Variants in GFRAL observed in about 807,000 individuals in gnomAD.
The protein encoded by GFRAL is GDNF family receptor alpha like, also known as GDNF family receptor alpha-like.
In GFRAL, 36 loss-of-function variants were observed where a neutral mutation model predicts 45.4. That is an observed-to-expected ratio of 0.79 (90% CI 0.61 to 1.05). The LOEUF (loss-of-function observed/expected upper bound fraction) is 1.05, where lower values mean the gene tolerates loss of function less well. GFRAL is among the 50% of genes least tolerant of loss of function. GFRAL has a pLI of 0.00. For missense variants in GFRAL, 507 were observed against 467.5 expected (o/e 1.08, Z -0.78); for synonymous variants, 166 against 154.1 (o/e 1.08, Z -0.57).
chr6:55,348,828 G>A (rs1250545982), intron 3 of GFRAL, among the ~76,000 whole-genome samples: 3 of 152,048 alleles, frequency 2.0e-5, no homozygotes, highest in Non-Finnish European at 4.4e-5. Flanking sequence ...AGTGAGTGAA[G>A]CTGTTGTTTA....
At chr6:55,400,153 T>TA (rs11295935) in intron 8 of GFRAL, among the ~76,000 whole-genome samples, 3 of 151,660 alleles carry the variant, frequency 2.0e-5, no homozygotes, top group Admixed American at 6.6e-5. Flanking sequence ...TGCCTTTAAT[T>TA]AAAAAAAACT....
intron 6 of GFRAL, among the ~76,000 whole-genome samples, chr6:55,369,714 T>C (rs4236128): frequency 0.19 from 29,080 of 152,156 alleles, 3,199 homozygotes; most frequent in African/African-American, 0.3. Flanking sequence ...ACAGTTTGTT[T>C]CTGTTACATT....
chr6:55,397,602 C>A (rs1428774939), intron 6 of GFRAL, among the ~76,000 whole-genome samples: 1 of 146,790 alleles, frequency 6.8e-6, no homozygotes, highest in African/African-American at 2.5e-5. Flanking sequence ...TTTCTAATGA[C>A]AAAATCCTCA....
intron 8 of GFRAL, among the ~76,000 whole-genome samples, chr6:55,399,904 A>G (rs1047120383): frequency 6.6e-6 from 1 of 152,148 alleles, no homozygotes; most frequent in Non-Finnish European, 1.5e-5. Context: ...ATAGGCAATT[A>G]TTGAAAAAGA....
chr6:55,355,204 T>C (rs1768172520), intron 5 of GFRAL, among the ~76,000 whole-genome samples: 1 of 151,774 alleles, frequency 6.6e-6, no homozygotes, highest in South Asian at 2.1e-4. Context: ...TATAAGAAAA[T>C]TCACACATCA....
chr6:55,388,236 A>T (rs1174238263), intron 6 of GFRAL, among the ~76,000 whole-genome samples: 1 of 152,182 alleles, frequency 6.6e-6, no homozygotes, highest in Non-Finnish European at 1.5e-5. Flanking sequence ...CTTTCAAAAA[A>T]AACTCAGTTG....
chr6:55,360,702 T>C (rs1452652441), intron 6 of GFRAL, among the ~76,000 whole-genome samples: 2 of 151,988 alleles, frequency 1.3e-5, no homozygotes, highest in South Asian at 2.1e-4. Context: ...TCCTCTCTTA[T>C]TAACATTAGT....
intron 6 of GFRAL, among the ~76,000 whole-genome samples, chr6:55,372,176 C>A (rs1360728816): frequency 1.3e-5 from 2 of 152,288 alleles, no homozygotes; most frequent in Non-Finnish European, 2.9e-5. Flanking sequence ...ACCCTGAATG[C>A]TCCTCTTATT....
chr6:55,399,541 G>C, intron 8 of GFRAL, 100 bp downstream of exon 8: 1 of 808,410 alleles, frequency 1.2e-6, no homozygotes, highest in Non-Finnish European at 2.1e-6. Flanking sequence ...GCCTGAGAAT[G>C]AAAGCTTCTC....
At chr6:55,347,280 T>C (rs965994105) in intron 3 of GFRAL, among the ~76,000 whole-genome samples, 1 of 152,102 alleles carries the variant, frequency 6.6e-6, no homozygotes, top group Non-Finnish European at 1.5e-5. Context: ...GTAAGATAAG[T>C]AATATTTGCA....
chr6:55,335,739 A>G (rs2127350534), intron 3 of GFRAL, among the ~76,000 whole-genome samples: 1 of 152,206 alleles, frequency 6.6e-6, no homozygotes, highest in Non-Finnish European at 1.5e-5. Flanking sequence ...TGGTGGCTCT[A>G]TTTCTAGACT....
At chr6:55,360,963 T>A (rs1044018905) in intron 6 of GFRAL, among the ~76,000 whole-genome samples, 2 of 152,006 alleles carry the variant, frequency 1.3e-5, no homozygotes, top group Non-Finnish European at 2.9e-5. Context: ...TAATTCTAGT[T>A]CTAAACATGT....
chr6:55,362,835 TAATTA>T (rs1768295440), intron 6 of GFRAL, among the ~76,000 whole-genome samples: 1 of 149,838 alleles, frequency 6.7e-6, no homozygotes, highest in Non-Finnish European at 1.5e-5. Flanking sequence ...TCCATGTGGA[TAATTA>T]AAAGAAAAAG....
intron 5 of GFRAL, among the ~76,000 whole-genome samples, chr6:55,357,896 A>G (rs1481931467): frequency 6.6e-6 from 1 of 151,734 alleles, no homozygotes; most frequent in Non-Finnish European, 1.5e-5. Flanking sequence ...ATGACAATCA[A>G]TACTTCCAAA....
In GFRAL at chr6:55,375,930, T is replaced by G. The variant is rs149063649; in HGVS notation, c.952+16792T>G. ...GTGGTGAGAAAGGGCATCCTTATCTTGTGCTGGTGTTCAAGGGGAATGCCT... is the reference window on the plus strand; with the variant it reads ...GTGGTGAGAAAGGGCATCCTTATCTGGTGCTGGTGTTCAAGGGGAATGCCT... On this transcript the variant is annotated intron_variant, in intron 6 of 8. Coordinates refer to ENST00000340465, the MANE Select transcript of GFRAL (RefSeq NM_207410.2). Among the ~76,000 whole-genome samples, 80 of 152,276 alleles carry G rather than the reference T, an allele frequency of 5.3e-4. No individual in the cohort carries two copies. The East Asian group carries it at 0.014, about 28-fold the overall frequency.
At chr6:55,375,033 G>A (rs1768505185) in intron 6 of GFRAL, among the ~76,000 whole-genome samples, 1 of 152,130 alleles carries the variant, frequency 6.6e-6, no homozygotes, top group Non-Finnish European at 1.5e-5. Context: ...TAGCCTCACA[G>A]TATAGTTTGA....
intron 5 of GFRAL, among the ~76,000 whole-genome samples, chr6:55,352,121 A>G (rs1410007344): frequency 6.6e-6 from 1 of 152,094 alleles, no homozygotes; most frequent in Non-Finnish European, 1.5e-5. Flanking sequence ...AATACTGTTC[A>G]ATCACAAAAG....
intron 5 of GFRAL, among the ~76,000 whole-genome samples, chr6:55,354,744 T>C (rs1225026760): frequency 6.6e-6 from 1 of 152,064 alleles, no homozygotes; most frequent in Admixed American, 6.6e-5. Context: ...TTAAGCCCTT[T>C]ATGATACTTA....
chr6:55,393,310 A>G (rs1482449462), intron 6 of GFRAL, among the ~76,000 whole-genome samples: 1 of 152,222 alleles, frequency 6.6e-6, no homozygotes, highest in Admixed American at 6.5e-5. Flanking sequence ...CATCTAACCC[A>G]AAATTTTCTA....
Sources: gnomAD v4.1 joint callset for allele counts (sites outside exome capture counted in the v4.1 genomes callset) on GRCh38, gnomAD v4.1.1 for gene constraint, MANE v1.5 for transcripts, NCBI Gene and HGNC (gene_info 2026-07-23, HGNC 2026-07-21) for gene names.